The following DNAJC1 variants were observed in gnomAD, a reference collection of about 807,000 sequenced individuals.
The protein encoded by DNAJC1 is dnaJ homolog subfamily C member 1.
DNAJC1 carries 58 observed loss-of-function variants against 76.6 expected under a neutral mutation model. The ratio of observed to expected loss-of-function variants is 0.76; its 90% confidence interval spans 0.61 to 0.94. DNAJC1 has a LOEUF of 0.94. Among genes scored for constraint, DNAJC1 ranks in the 40% least tolerant of loss-of-function variants. DNAJC1 has a pLI of 0.00. For missense variants in DNAJC1, 689 were observed against 677.3 expected (o/e 1.02, Z -0.19); for synonymous variants, 258 against 267.9 (o/e 0.96, Z 0.36).
chr10:21,942,129 A>T (rs749148359), intron 1 of DNAJC1, among the ~76,000 whole-genome samples: 1 of 152,220 alleles, frequency 6.6e-6, no homozygotes, highest in Non-Finnish European at 1.5e-5. Flanking sequence ...AAAACCAAAA[A>T]GGCAGAAAAC....
At chr10:21,875,733 T>A (rs2131714587) in intron 8 of DNAJC1, among the ~76,000 whole-genome samples, 1 of 152,276 alleles carries the variant, frequency 6.6e-6, no homozygotes, top group East Asian at 1.9e-4. Flanking sequence ...CAGACCAGCC[T>A]GGCCAACATG....
intron 8 of DNAJC1, among the ~76,000 whole-genome samples, chr10:21,869,592 A>G (rs1297805085): frequency 6.6e-6 from 1 of 152,116 alleles, no homozygotes; most frequent in African/African-American, 2.4e-5. Context: ...GTCATGGGCC[A>G]TGGTTGCTAA....
chr10:21,836,794 T>C (rs1291248238), intron 8 of DNAJC1, among the ~76,000 whole-genome samples: 2 of 152,152 alleles, frequency 1.3e-5, no homozygotes, highest in African/African-American at 2.4e-5. Flanking sequence ...TAAATATATA[T>C]GCACCCGATA....
At chr10:21,772,899 T>C (rs1834404998) in intron 9 of DNAJC1, among the ~76,000 whole-genome samples, 1 of 152,008 alleles carries the variant, frequency 6.6e-6, no homozygotes, top group Non-Finnish European at 1.5e-5. Context: ...AAACTTACAA[T>C]CACGGCAGAA....
At chr10:21,923,037 A>G (rs573652981) in intron 3 of DNAJC1, among the ~76,000 whole-genome samples, 218 of 152,098 alleles carry the variant, frequency 1.4e-3, no homozygotes, top group Non-Finnish European at 1.9e-3. Context: ...TGAAAGTGCT[A>G]TGTGTCTGTT....
At chr10:21,985,118 T>A (rs1838221247) in intron 1 of DNAJC1, among the ~76,000 whole-genome samples, 1 of 152,166 alleles carries the variant, frequency 6.6e-6, no homozygotes, top group African/African-American at 2.4e-5. Context: ...AGAGTATAAT[T>A]CATTTTAATA....
chr10:21,902,895 C>G (rs1382278889), intron 7 of DNAJC1, among the ~76,000 whole-genome samples: 1 of 151,990 alleles, frequency 6.6e-6, no homozygotes, highest in Non-Finnish European at 1.5e-5. Flanking sequence ...CACGTTGCCT[C>G]TACAGGTAAA....
intron 8 of DNAJC1, among the ~76,000 whole-genome samples, chr10:21,832,648 CT>C (rs60153353): frequency 4.6e-5 from 7 of 152,276 alleles, no homozygotes; most frequent in African/African-American, 1.4e-4. Flanking sequence ...AGTCTCTCCC[CT>C]GGTCTCTATT....
At chr10:21,946,194 C>A (rs929584346) in intron 1 of DNAJC1, among the ~76,000 whole-genome samples, 2 of 151,542 alleles carry the variant, frequency 1.3e-5, no homozygotes, top group African/African-American at 4.9e-5. Flanking sequence ...GTGTGTGCCA[C>A]CACGCCCAAC....
At chr10:21,862,347 AAATAAT>A (rs1454087070) in intron 8 of DNAJC1, among the ~76,000 whole-genome samples, 1 of 152,118 alleles carries the variant, frequency 6.6e-6, no homozygotes, top group South Asian at 2.1e-4. Flanking sequence ...AGTAACACCT[AAATAAT>A]AATAAGACTA....
chr10:21,805,607 G>A (rs899647838), intron 9 of DNAJC1, among the ~76,000 whole-genome samples: 31 of 152,154 alleles, frequency 2.0e-4, no homozygotes, highest in African/African-American at 5.3e-4. Flanking sequence ...AATAGCAATC[G>A]CAATCTGTAC....
chr10:21,791,621 A>C (rs934883134), intron 9 of DNAJC1, among the ~76,000 whole-genome samples: 1 of 152,218 alleles, frequency 6.6e-6, no homozygotes, highest in African/African-American at 2.4e-5. Context: ...TATGAAAATT[A>C]AATGTGCTCC....
intron 9 of DNAJC1, among the ~76,000 whole-genome samples, chr10:21,768,206 A>C (rs1446053679): frequency 6.6e-6 from 1 of 152,196 alleles, no homozygotes; most frequent in East Asian, 1.9e-4. Flanking sequence ...TTTATTTAAA[A>C]TATGAATTTC....
chr10:21,821,620 A>C (rs943772225), intron 8 of DNAJC1, among the ~76,000 whole-genome samples: 2 of 152,196 alleles, frequency 1.3e-5, no homozygotes, highest in African/African-American at 4.8e-5. Context: ...TGTATTACTC[A>C]CATACAAGTG....
intron 9 of DNAJC1, among the ~76,000 whole-genome samples, chr10:21,773,902 G>A (rs548456375): frequency 6.6e-6 from 1 of 151,568 alleles, no homozygotes; most frequent in South Asian, 2.1e-4. Flanking sequence ...AGCACTTTGG[G>A]AGGCCGAGGC....
intron 7 of DNAJC1, among the ~76,000 whole-genome samples, chr10:21,883,109 G>T (rs769494797): frequency 1.3e-5 from 2 of 152,060 alleles, no homozygotes; most frequent in Non-Finnish European, 2.9e-5. Context: ...AATTAGCTGC[G>T]TGTGGTGGTA....
chr10:21,951,992 T>C (rs1837604660), intron 1 of DNAJC1, among the ~76,000 whole-genome samples: 1 of 152,184 alleles, frequency 6.6e-6, no homozygotes, highest in Non-Finnish European at 1.5e-5. Context: ...ACTACTGAGG[T>C]GATTAGCAAG....
At position 21,771,850 on chromosome 10, in the gene DNAJC1, T is replaced by A. The variant is rs75446783; in HGVS notation, c.1099-5541A>T. On this transcript the variant is annotated intron_variant, in intron 9 of 11. Transcript: ENST00000376980. Reference sequence around the variant, plus strand: ...GATACTGCTTTTTATTCTATTGACATGAGGTATTTACATTAATTGATCTTG... The same window carrying A: ...GATACTGCTTTTTATTCTATTGACAAGAGGTATTTACATTAATTGATCTTG... Among the ~76,000 whole-genome samples, 8 of 152,336 alleles carry A rather than the reference T, an allele frequency of 5.3e-5. No individual in the cohort carries two copies. In the East Asian group the frequency reaches 1.5e-3, roughly 29 times the overall value.
chr10:21,924,873 G>A (rs1463097136), intron 3 of DNAJC1, among the ~76,000 whole-genome samples: 1 of 152,182 alleles, frequency 6.6e-6, no homozygotes, highest in African/African-American at 2.4e-5. Context: ...GCATGTTGCT[G>A]TACTGAACAC....
Sources: allele counts gnomAD v4.1 joint callset (sites outside exome capture counted in the v4.1 genomes callset), GRCh38; gene constraint gnomAD v4.1.1; transcripts MANE v1.5; gene names NCBI Gene and HGNC (gene_info 2026-07-23, HGNC 2026-07-21).